The following LCLAT1 variants were observed in gnomAD, a reference collection of about 807,000 sequenced individuals.
LCLAT1 encodes 1-AGP acyltransferase 8.
Under a neutral mutation model 30.7 loss-of-function variants are expected in LCLAT1, and 11 were observed. The observed-to-expected ratio is 0.36, with a 90% CI of 0.23 to 0.59. The LOEUF is 0.59. Among genes scored for constraint, LCLAT1 ranks in the 20% least tolerant of loss-of-function variants. LCLAT1 has a pLI of 0.77. For missense variants in LCLAT1, 402 were observed against 458.6 expected (o/e 0.88, Z 1.13); for synonymous variants, 155 against 151.3 (o/e 1.02, Z -0.18).
chr2:30,487,672 GA>G (rs148397302), intron 1 of LCLAT1, among the ~76,000 whole-genome samples: 5,493 of 152,308 alleles, frequency 0.036, 337 homozygotes, highest in African/African-American at 0.12. Flanking sequence ...GTTAAATGGG[GA>G]TGAGATGTGT....
At chr2:30,564,498 A>G (rs913010669) in intron 4 of LCLAT1, among the ~76,000 whole-genome samples, 16 of 152,070 alleles carry the variant, frequency 1.1e-4, no homozygotes, top group African/African-American at 3.1e-4. Context: ...ATAATTTTGG[A>G]GTCCATAGTG....
chr2:30,614,390 C>G (rs1667891766), intron 5 of LCLAT1, among the ~76,000 whole-genome samples: 1 of 151,744 alleles, frequency 6.6e-6, no homozygotes, highest in African/African-American at 2.4e-5. Context: ...ATGTCTACTT[C>G]TTTCTACACA....
chr2:30,448,088 C>T (rs1288667473), intron 1 of LCLAT1, among the ~76,000 whole-genome samples: 1 of 152,222 alleles, frequency 6.6e-6, no homozygotes, highest in Non-Finnish European at 1.5e-5. Flanking sequence ...TTGTACTTCC[C>T]TGGTTCAGGT....
At chr2:30,544,986 GCTACTTATA>G (rs1664330586) in intron 3 of LCLAT1, among the ~76,000 whole-genome samples, 1 of 151,970 alleles carries the variant, frequency 6.6e-6, no homozygotes, top group Non-Finnish European at 1.5e-5. Flanking sequence ...TGAGTTATAA[GCTACTTATA>G]GAGTATCTTA....
intron 5 of LCLAT1, among the ~76,000 whole-genome samples, chr2:30,576,214 G>C (rs929829519): frequency 2.0e-5 from 3 of 152,108 alleles, no homozygotes; most frequent in East Asian, 1.9e-4. Context: ...TCAAAATTCA[G>C]AATTTTGGAA....
At chr2:30,601,880 GAT>G (rs939826148) in intron 5 of LCLAT1, among the ~76,000 whole-genome samples, 2 of 142,984 alleles carry the variant, frequency 1.4e-5, no homozygotes, top group Non-Finnish European at 3.1e-5. Context: ...TCTATCTATA[GAT>G]ATATATATCT....
chr2:30,602,744 G>GTTTAGGTGTAAAA (rs1373154486), intron 5 of LCLAT1, among the ~76,000 whole-genome samples: 2 of 152,128 alleles, frequency 1.3e-5, no homozygotes, highest in Non-Finnish European at 2.9e-5. Flanking sequence ...ATGGTGTAAA[G>GTTTAGGTGTAAAA]TTTAAGCATC....
chr2:30,507,245 T>C (rs13025287), intron 1 of LCLAT1, among the ~76,000 whole-genome samples: 34,227 of 152,014 alleles, frequency 0.23, 4,749 homozygotes, highest in East Asian at 0.52. Context: ...AAGGATTGCT[T>C]TTCTAGTAGA....
intron 5 of LCLAT1, chr2:30,607,300 T>G (rs1163451101): frequency 1.3e-5 from 2 of 152,288 alleles, no homozygotes; most frequent in African/African-American, 4.8e-5. Flanking sequence ...CTTCCCAAAG[T>G]GCTGGGATTA....
At position 30,640,970 on chromosome 2, in the gene LCLAT1, TCAA is replaced by T. The variant is rs1419561709; in HGVS notation, c.*357_*359del. 1 of 245,306 alleles carries T rather than the reference TCAA, an allele frequency of 4.1e-6. No individual in the cohort carries two copies. The highest frequency in any genetic ancestry group is 2.4e-5 in the African/African-American group (1 of 42,452). The allele number at this position is 245,306 out of a possible 1,614,324, so 15.2% of individuals were successfully genotyped here. A position where few individuals can be genotyped will look rare whatever the true frequency, so the allele number is the denominator to read the frequency against. The stretch of plus-strand genomic sequence containing the variant: ...GTACCAGAGGCAGATCTGGAACTCG[TCAA>T]CAACAGCCCGGATCACATGCTGTTA... On this transcript the variant is annotated 3_prime_UTR_variant, in exon 6 of 6. Coordinates refer to ENST00000379509, the MANE Select transcript of LCLAT1 (RefSeq NM_001002257.3).
intron 1 of LCLAT1, among the ~76,000 whole-genome samples, chr2:30,507,024 CTT>C (rs1299787560): frequency 7.9e-5 from 12 of 151,932 alleles, no homozygotes; most frequent in Non-Finnish European, 1.3e-4. Context: ...TTTTAGCTGT[CTT>C]TTAAAATATT....
At chr2:30,620,568 T>A (rs1668195865) in intron 5 of LCLAT1, among the ~76,000 whole-genome samples, 1 of 152,210 alleles carries the variant, frequency 6.6e-6, no homozygotes, top group South Asian at 2.1e-4. Flanking sequence ...CATATAGCTA[T>A]TTATAATAGT....
chr2:30,597,802 A>AT, intron 5 of LCLAT1, among the ~76,000 whole-genome samples: 1 of 152,208 alleles, frequency 6.6e-6, no homozygotes, highest in African/African-American at 2.4e-5. Flanking sequence ...GCTATTATTA[A>AT]TATTTTGAGG....
intron 1 of LCLAT1, among the ~76,000 whole-genome samples, chr2:30,465,378 A>C (rs534207054): frequency 2.2e-4 from 34 of 152,230 alleles, no homozygotes; most frequent in Admixed American, 9.2e-4. Context: ...CTTTGGAGGG[A>C]GTGTGACCTT....
At chr2:30,476,235 A>G (rs1246083949) in intron 1 of LCLAT1, among the ~76,000 whole-genome samples, 2 of 152,232 alleles carry the variant, frequency 1.3e-5, no homozygotes, top group Non-Finnish European at 2.9e-5. Flanking sequence ...TTAAGTAGCT[A>G]CCACTTTTAG....
chr2:30,532,508 T>A (rs1272538212), intron 2 of LCLAT1, among the ~76,000 whole-genome samples: 2 of 152,194 alleles, frequency 1.3e-5, no homozygotes, highest in Non-Finnish European at 2.9e-5. Context: ...ATACTTCATA[T>A]GTATTATATA....
At chr2:30,489,622 G>A (rs1161964806) in intron 1 of LCLAT1, among the ~76,000 whole-genome samples, 1 of 152,216 alleles carries the variant, frequency 6.6e-6, no homozygotes, top group Non-Finnish European at 1.5e-5. Flanking sequence ...AAAGTGCTGG[G>A]ATTACAGGCG....
intron 1 of LCLAT1, among the ~76,000 whole-genome samples, chr2:30,449,659 C>T (rs1028475046): frequency 2.0e-5 from 3 of 152,070 alleles, no homozygotes; most frequent in African/African-American, 7.2e-5. Context: ...TGCCACTACG[C>T]CTGGCTAATT....
intron 1 of LCLAT1, chr2:30,476,507 G>A (rs946029413): frequency 1.1e-5 from 5 of 456,328 alleles, no homozygotes; most frequent in African/African-American, 4.0e-5. Flanking sequence ...GCTTGCAGGG[G>A]ATCTAGGTTG....
Sources: gnomAD v4.1 joint callset for allele counts (sites outside exome capture counted in the v4.1 genomes callset) on GRCh38, gnomAD v4.1.1 for gene constraint, MANE v1.5 for transcripts, NCBI Gene and HGNC (gene_info 2026-07-23, HGNC 2026-07-21) for gene names.